Variants in PTPRD observed in about 807,000 individuals in gnomAD.
The protein encoded by PTPRD is receptor-type tyrosine-protein phosphatase delta.
In PTPRD, 34 loss-of-function variants were observed where a neutral mutation model predicts 214.5. The ratio of observed to expected loss-of-function variants is 0.16; its 90% CI spans 0.12 to 0.21. The LOEUF is 0.21. Among genes scored for constraint, PTPRD ranks in the 10% least tolerant of loss-of-function variants. The pLI is 1.00. For synonymous variants in PTPRD, 1,128 were observed against 845.7 expected (o/e 1.33, Z -5.79); for missense variants, 2,545 against 2,398.7 (o/e 1.06, Z -1.27).
Position 8,733,890 on chromosome 9 carries a change from T to C in PTPRD, c.-47A>G. 1 of 1,536,098 alleles carries C rather than the reference T, an allele frequency of 6.5e-7. No homozygotes were observed. The highest frequency in any genetic ancestry group is 8.8e-7 in the Non-Finnish European group (1 of 1,137,086). On this transcript the variant is annotated 5_prime_UTR_variant, in exon 12 of 46. Transcript: ENST00000381196. ...GCGCGAGCAGCTTGGAATCACTGCCTCCGGAGCCGCAGCGAGTCTGTCCGA... is the reference window on the plus strand; with the variant it reads ...GCGCGAGCAGCTTGGAATCACTGCCCCCGGAGCCGCAGCGAGTCTGTCCGA...
intron 6 of PTPRD, among the ~76,000 whole-genome samples, chr9:9,760,315 A>C (rs1379693102): frequency 3.9e-5 from 6 of 152,124 alleles, no homozygotes; most frequent in African/African-American, 7.2e-5. Flanking sequence ...AGAAAACCTT[A>C]GTGTTTTATG....
In PTPRD at chr9:9,528,904, C is replaced by T. The variant is rs553112283; in HGVS notation, c.-237+45828G>A. Among the ~76,000 whole-genome samples the T allele has an allele frequency of 4.6e-4, 69 of 150,412 alleles. No individual in the cohort carries two copies. The East Asian group carries it at 0.013, about 29-fold the overall frequency. On this transcript the variant is annotated intron_variant, in intron 8 of 45. Transcript: ENST00000381196. ...TAAAATATAGGAGAAAAATATGTGTCCTTGAATTTACCAGTTTCTTTCTTT... is the reference window on the plus strand; with the variant it reads ...TAAAATATAGGAGAAAAATATGTGTTCTTGAATTTACCAGTTTCTTTCTTT...
intron 10 of PTPRD, among the ~76,000 whole-genome samples, chr9:9,082,766 C>A (rs752829816): frequency 1.1e-4 from 16 of 152,056 alleles, no homozygotes; most frequent in Non-Finnish European, 2.2e-4. Context: ...AATAGACAAA[C>A]AGAGAGCCAA....
At chr9:9,571,804 TTAA>T (rs1280152714) in intron 8 of PTPRD, among the ~76,000 whole-genome samples, 1 of 151,134 alleles carries the variant, frequency 6.6e-6, no homozygotes, top group African/African-American at 2.4e-5. Context: ...TATCAATGTA[TTAA>T]TATTTATGTA....
intron 5 of PTPRD, among the ~76,000 whole-genome samples, chr9:9,913,186 AAAGT>A (rs370410763): frequency 1.4e-4 from 22 of 152,310 alleles, no homozygotes; most frequent in African/African-American, 5.3e-4. Flanking sequence ...TGAAAAAAGA[AAAGT>A]ATGTTATGCA....
At chr9:8,929,675 T>A (rs1035659615) in intron 11 of PTPRD, among the ~76,000 whole-genome samples, 6 of 139,132 alleles carry the variant, frequency 4.3e-5, no homozygotes, top group Non-Finnish European at 9.0e-5. Context: ...TCTGCCAGGT[T>A]TTCTTTTATA....
intron 9 of PTPRD, among the ~76,000 whole-genome samples, chr9:9,299,427 A>T (rs980405550): frequency 1.3e-5 from 2 of 151,828 alleles, no homozygotes; most frequent in Admixed American, 1.3e-4. Flanking sequence ...GTCAGCCTGC[A>T]TAACAAAGAT....
intron 34 of PTPRD, 21 bp from the exon 35 acceptor site, chr9:8,436,710 G>C (rs1564800874): frequency 6.4e-7 from 1 of 1,564,726 alleles, no homozygotes; most frequent in Non-Finnish European, 8.8e-7. Context: ...AAGCAAAGAA[G>C]AAACACATTT....
At chr9:9,792,200 G>A (rs887710213) in intron 5 of PTPRD, among the ~76,000 whole-genome samples, 9 of 152,020 alleles carry the variant, frequency 5.9e-5, no homozygotes, top group Admixed American at 6.6e-5. Context: ...CCCTCAGTGA[G>A]TGTGAAACTT....
intron 3 of PTPRD, among the ~76,000 whole-genome samples, chr9:10,143,572 G>GAA (rs34091015): frequency 6.6e-6 from 1 of 151,306 alleles, no homozygotes; most frequent in African/African-American, 2.4e-5. Context: ...TATACATAAA[G>GAA]AAAAAAAATT....
intron 2 of PTPRD, among the ~76,000 whole-genome samples, chr9:10,395,981 C>T (rs575867466): frequency 2.9e-5 from 4 of 139,120 alleles, no homozygotes; most frequent in Non-Finnish European, 3.1e-5. Flanking sequence ...GAGAGAGAGA[C>T]AGCGAGAGAC....
chr9:8,410,686 A>C (rs7849327), intron 35 of PTPRD, among the ~76,000 whole-genome samples: 73,886 of 151,962 alleles, frequency 0.49, 18,393 homozygotes, highest in Middle Eastern at 0.6. Flanking sequence ...AAAGTGTTTC[A>C]GTCACATATT....
At chr9:10,612,659 T>G (rs1385638953) in intron 1 of PTPRD, 29 bp downstream of exon 1, 1 of 152,094 alleles carries the variant, frequency 6.6e-6, no homozygotes, top group Non-Finnish European at 1.5e-5. Context: ...CCGGCTTGGG[T>G]CCTGCTAATT....
intron 5 of PTPRD, among the ~76,000 whole-genome samples, chr9:9,821,919 A>C (rs1376727501): frequency 2.0e-5 from 3 of 149,134 alleles, no homozygotes; most frequent in Non-Finnish European, 4.5e-5. Flanking sequence ...TTTATGACAT[A>C]TATATTTATA....
At chr9:8,392,525 T>G (rs1386076649) in intron 36 of PTPRD, among the ~76,000 whole-genome samples, 1 of 152,104 alleles carries the variant, frequency 6.6e-6, no homozygotes, top group African/African-American at 2.4e-5. Context: ...AGACTCTGTC[T>G]CAATAAAAGA....
At chr9:10,606,928 A>G (rs1367382100) in intron 2 of PTPRD, among the ~76,000 whole-genome samples, 1 of 151,882 alleles carries the variant, frequency 6.6e-6, no homozygotes, top group African/African-American at 2.4e-5. Flanking sequence ...ATATTTGCAA[A>G]CTTAAAAATG....
At chr9:10,248,972 C>T (rs771546173) in intron 3 of PTPRD, among the ~76,000 whole-genome samples, 8 of 151,948 alleles carry the variant, frequency 5.3e-5, no homozygotes, top group African/African-American at 7.2e-5. Context: ...GTCAGTAATA[C>T]GTAGTAGCCT....
At chr9:9,348,850 C>G (rs2049969223) in intron 9 of PTPRD, among the ~76,000 whole-genome samples, 1 of 152,038 alleles carries the variant, frequency 6.6e-6, no homozygotes, top group Non-Finnish European at 1.5e-5. Flanking sequence ...TTAATAAGGT[C>G]CCTCTGTACT....
chr9:10,363,901 ACTATT>A (rs1439681610), intron 2 of PTPRD, among the ~76,000 whole-genome samples: 2 of 151,612 alleles, frequency 1.3e-5, no homozygotes, highest in African/African-American at 4.8e-5. Flanking sequence ...GCTTCTGGAC[ACTATT>A]CTAAGTATTA....
Sources: allele counts gnomAD v4.1 joint callset (sites outside exome capture counted in the v4.1 genomes callset), GRCh38; gene constraint gnomAD v4.1.1; transcripts MANE v1.5; gene names NCBI Gene and HGNC (gene_info 2026-07-23, HGNC 2026-07-21).